Variants in CFAP20DC observed in about 807,000 individuals in gnomAD.
CFAP20DC encodes CFAP20 domain containing, also known as protein CFAP20DC.
A neutral mutation model predicts 101.7 loss-of-function variants in CFAP20DC; 84 were observed. That is an observed-to-expected ratio of 0.83 (90% CI 0.69 to 0.99). The LOEUF (loss-of-function observed/expected upper bound fraction) is 0.99, where lower values mean the gene tolerates loss of function less well. Ranked by LOEUF, CFAP20DC falls within the 50% of genes least tolerant of loss-of-function variation. The pLI, the probability that CFAP20DC is intolerant of heterozygous loss-of-function variation, is 0.00. For missense variants in CFAP20DC, 1,007 were observed against 970.3 expected (o/e 1.04, Z -0.50); for synonymous variants, 359 against 351.2 (o/e 1.02, Z -0.25).
At chr3:58,753,033 C>T (rs542717499) in intron 16 of CFAP20DC, among the ~76,000 whole-genome samples, 19 of 152,266 alleles carry the variant, frequency 1.2e-4, no homozygotes, top group Middle Eastern at 3.4e-3. Flanking sequence ...GCCATCTCAA[C>T]TCCTCAGTTT....
chr3:58,737,335 C>G (rs1165008071), downstream of CFAP20DC: 2 of 426,202 alleles, frequency 4.7e-6, no homozygotes, highest in African/African-American at 2.1e-5. The surrounding 1 kb of genome is among the most constrained non-coding windows in gnomAD (Gnocchi z 4.1). Context: ...CACACACCCA[C>G]CCACCCAACT....
chr3:58,820,619 A>C (rs1452593802), intron 14 of CFAP20DC, among the ~76,000 whole-genome samples: 1 of 152,102 alleles, frequency 6.6e-6, no homozygotes, highest in African/African-American at 2.4e-5. Context: ...GAGAACTACA[A>C]ACCACTGCTC....
chr3:58,871,338 C>T (rs2080193663), intron 7 of CFAP20DC, among the ~76,000 whole-genome samples: 2 of 151,986 alleles, frequency 1.3e-5, no homozygotes, highest in Admixed American at 1.3e-4. Flanking sequence ...TGTGAAGAGC[C>T]TATTCTAAAT....
chr3:58,979,817 C>CTT (rs566433334), intron 4 of CFAP20DC, among the ~76,000 whole-genome samples: 12 of 142,324 alleles, frequency 8.4e-5, no homozygotes, highest in African/African-American at 2.8e-4. Context: ...GTTTCTTTTT[C>CTT]TTTTTTTTTT....
In CFAP20DC at chr3:58,870,154, C is replaced by A; in HGVS notation, c.852+19G>T. 2.0e-6 allele frequency: 3 copies of A among 1,525,296 alleles called. No individual in the cohort carries two copies. The highest frequency in any genetic ancestry group is 2.7e-6 in the Non-Finnish European group (3 of 1,124,218). 94.5% of individuals were successfully genotyped at this position (1,525,296 alleles called of 1,614,324 possible). On this transcript the variant is annotated intron_variant, in intron 8 of 16. Coordinates refer to ENST00000482387, the MANE Select transcript of CFAP20DC (RefSeq NM_001394063.1). ...CAGGTCACTTGTGCTTAGATAAGCT[C>A]TCCAAACCTTGCTCCTACCTCGCTG...
intron 14 of CFAP20DC, among the ~76,000 whole-genome samples, chr3:58,826,272 T>A (rs1187698140): frequency 6.6e-6 from 1 of 152,228 alleles, no homozygotes; most frequent in Non-Finnish European, 1.5e-5. Flanking sequence ...TATTTTGGAA[T>A]CTTGACGAAA....
At chr3:58,835,275 C>G (rs916658224) in intron 13 of CFAP20DC, among the ~76,000 whole-genome samples, 2 of 152,060 alleles carry the variant, frequency 1.3e-5, no homozygotes, top group Non-Finnish European at 2.9e-5. Context: ...GAATAAGATG[C>G]CTGAGGAATG....
At position 58,820,600 on chromosome 3, in the gene CFAP20DC, C is replaced by T. The variant is rs913525222; in HGVS notation, c.2175+11086G>A. On this transcript the variant is annotated intron_variant, in intron 14 of 16. Transcript: ENST00000482387. ...CCAACTTACAAGGGATGTGAAGGACCTCTTCAGGGAGAACTACAAACCACT... is the reference window on the plus strand; with the variant it reads ...CCAACTTACAAGGGATGTGAAGGACTTCTTCAGGGAGAACTACAAACCACT... Among the ~76,000 whole-genome samples the T allele has an allele frequency of 2.0e-5, 3 of 152,008 alleles. No individual in the cohort carries two copies. In the South Asian group the frequency reaches 6.2e-4, roughly 32 times the overall value.
chr3:58,927,753 T>A (rs1237699519), intron 5 of CFAP20DC, among the ~76,000 whole-genome samples: 1 of 152,084 alleles, frequency 6.6e-6, no homozygotes, highest in Admixed American at 6.6e-5. Flanking sequence ...CAATACCACA[T>A]CAACAACAGG....
chr3:58,825,112 AT>A (rs1372438282), intron 14 of CFAP20DC, among the ~76,000 whole-genome samples: 1 of 152,172 alleles, frequency 6.6e-6, no homozygotes, highest in East Asian at 1.9e-4. Context: ...GAAGGAGTTT[AT>A]TTGGAAGGAT....
rs188798803 is a variant in CFAP20DC at position 59,001,638 on chromosome 3, C to T, written c.278+37919G>A. Among the ~76,000 whole-genome samples, 2,121 of 152,236 alleles carry T rather than the reference C, an allele frequency of 0.014. 28 individuals carry two copies. The highest frequency in any genetic ancestry group is 0.021 in the Non-Finnish European group (1,440 of 68,012). On this transcript the variant is annotated intron_variant, in intron 4 of 16. Transcript: ENST00000482387. The surrounding 1 kb of genome is among the most constrained non-coding windows in gnomAD (Gnocchi z 4.5). ...GTTGGTCAGGTTGGTCTCGAACTCC[C>T]GACCTCAGGTGATCCACCTGCCTTG...
chr3:58,740,673 C>T (rs995884540), downstream of CFAP20DC, among the ~76,000 whole-genome samples: 2 of 152,080 alleles, frequency 1.3e-5, no homozygotes, highest in Non-Finnish European at 2.9e-5. This position sits in a 1 kb window ranked among gnomAD's most constrained non-coding sequence, Gnocchi z 4.6. Context: ...TGAGGCATTC[C>T]TGTATCCTAA....
intron 16 of CFAP20DC, among the ~76,000 whole-genome samples, chr3:58,753,252 C>A (rs2107255452): frequency 6.6e-6 from 1 of 152,264 alleles, no homozygotes; most frequent in African/African-American, 2.4e-5. Flanking sequence ...AAGGTTGTAT[C>A]TTTGCATTCA....
chr3:58,721,619 T>C lies in CFAP20DC; in HGVS notation c.198-3991A>G, dbSNP rs991663827. 6.6e-5 allele frequency among the ~76,000 whole-genome samples: 10 copies of C among 152,126 alleles called. No individual in the cohort carries two copies. The highest frequency in any genetic ancestry group is 4.2e-4 in the South Asian group (2 of 4,812). ...AAAGTAAAAGAACCCTAAAGAGCAGTGTGGCTGGGGAGAGAAGAGCCATGT... is the reference window on the plus strand; with the variant it reads ...AAAGTAAAAGAACCCTAAAGAGCAGCGTGGCTGGGGAGAGAAGAGCCATGT... On this transcript the variant is annotated intron_variant, in intron 3 of 3. Coordinates refer to the CFAP20DC transcript ENST00000486145. This position sits in a 1 kb window ranked among gnomAD's most constrained non-coding sequence, Gnocchi z 5.2.
At chr3:58,822,735 C>CT (rs1247198556) in intron 14 of CFAP20DC, among the ~76,000 whole-genome samples, 1 of 152,124 alleles carries the variant, frequency 6.6e-6, no homozygotes, top group Non-Finnish European at 1.5e-5. Context: ...AACTAGCTGT[C>CT]TGAGGCTAGA....
intron 14 of CFAP20DC, among the ~76,000 whole-genome samples, chr3:58,822,027 C>T (rs2075690504): frequency 7.0e-6 from 1 of 143,756 alleles, no homozygotes; most frequent in African/African-American, 2.7e-5. Flanking sequence ...TCATCATTCT[C>T]AGTAAACTAT....
Position 58,742,466 on chromosome 3 carries a change from C to A in CFAP20DC, c.2439G>T (p.Leu813Phe). 6.3e-7 allele frequency: 1 copy of A among 1,599,570 alleles called. No individual in the cohort carries two copies. The highest frequency in any genetic ancestry group is 1.1e-5 in the South Asian group (1 of 88,210). ...TCTGCCCCGGAAGGAGGCATTATAC[C>A]AACTCATAGTATTTCCCTGTTTGGG... ...FDPQTGKYYE[L>F]V Residue 813 changes from leucine (L) to phenylalanine (F), a missense_variant, in exon 17 of 17, where the codon TTG (leucine) becomes TTT (phenylalanine). Transcript: ENST00000482387.
At chr3:58,776,308 ACT>A (rs1366446916) in intron 15 of CFAP20DC, among the ~76,000 whole-genome samples, 1 of 151,734 alleles carries the variant, frequency 6.6e-6, no homozygotes, top group Non-Finnish European at 1.5e-5. Context: ...ATGCAGGAAA[ACT>A]CTCTGTCCTC....
At chr3:58,993,783 T>G (rs546414718) in intron 4 of CFAP20DC, among the ~76,000 whole-genome samples, 8 of 152,220 alleles carry the variant, frequency 5.3e-5, no homozygotes, top group African/African-American at 1.9e-4. Flanking sequence ...TATGGCTGCA[T>G]AGTATTCCAT....
Sources: gnomAD v4.1 joint callset for allele counts (sites outside exome capture counted in the v4.1 genomes callset) on GRCh38, gnomAD v4.1.1 for gene constraint, Gnocchi (gnomAD v3.1) non-coding constraint, MANE v1.5 for transcripts, NCBI Gene and HGNC (gene_info 2026-07-23, HGNC 2026-07-21) for gene names.